SLC30A6: variants seen among roughly 807,000 people sequenced by gnomAD.
The protein encoded by SLC30A6 is zinc transporter 6.
In SLC30A6, 55 loss-of-function variants were observed where a neutral mutation model predicts 63.0. That is an observed-to-expected ratio of 0.87 (90% CI 0.70 to 1.09). SLC30A6 has a LOEUF of 1.09. Ranked by LOEUF, SLC30A6 falls within the 50% of genes least tolerant of loss-of-function variation. The pLI is 0.00. For synonymous variants in SLC30A6, 224 were observed against 186.1 expected (o/e 1.20, Z -1.66); for missense variants, 587 against 549.2 (o/e 1.07, Z -0.69).
chr2:32,217,989 G>A (rs1465200258), intron 13 of SLC30A6, among the ~76,000 whole-genome samples: 1 of 152,042 alleles, frequency 6.6e-6, no homozygotes, highest in Non-Finnish European at 1.5e-5. Flanking sequence ...CACTACAGAT[G>A]TGTGCCACCA....
chr2:32,209,228 G>A (rs2148893923), intron 12 of SLC30A6, among the ~76,000 whole-genome samples: 1 of 152,324 alleles, frequency 6.6e-6, no homozygotes, highest in Admixed American at 6.5e-5. Flanking sequence ...GAAATTGGTT[G>A]GGGTAGGGGT....
intron 2 of SLC30A6, 80 bp from the exon 3 acceptor site, chr2:32,173,983 A>C: frequency 9.9e-7 from 1 of 1,011,078 alleles, no homozygotes. Context: ...TGAATATCAG[A>C]GTATAAATTG....
intron 10 of SLC30A6, chr2:32,202,763 G>A: frequency 1.4e-6 from 1 of 713,076 alleles, no homozygotes; most frequent in Non-Finnish European, 2.6e-6. Context: ...ACAGTCCTCA[G>A]ACTTTACTTT....
intron 13 of SLC30A6, among the ~76,000 whole-genome samples, chr2:32,219,461 A>G (rs1685979036): frequency 6.8e-6 from 1 of 147,988 alleles, no homozygotes; most frequent in East Asian, 2.0e-4. Flanking sequence ...TCAAGATAGG[A>G]TATCACTCTG....
intron 3 of SLC30A6, among the ~76,000 whole-genome samples, chr2:32,174,793 C>A (rs1396319482): frequency 6.6e-6 from 1 of 151,684 alleles, no homozygotes; most frequent in South Asian, 2.1e-4. Flanking sequence ...ACCTTATGAT[C>A]CACCCGCCTC....
rs747674430 is a variant in SLC30A6, at chr2:32,165,892, C to T, written c.-9C>T. ...ACGGCTTCCGGCGGGAGCTGTGCAGCTCCTTATCATGGTGAGTTGGCTGTT... is the reference window on the plus strand; with the variant it reads ...ACGGCTTCCGGCGGGAGCTGTGCAGTTCCTTATCATGGTGAGTTGGCTGTT... On this transcript the variant is annotated 5_prime_UTR_variant, in exon 1 of 14. Transcript: ENST00000282587. 5.6e-6 allele frequency: 9 copies of T among 1,614,170 alleles called. No homozygotes were observed. In the Admixed American group the frequency reaches 8.3e-5, roughly 15 times the overall value.
chr2:32,212,041 G>C (rs1216160560), intron 13 of SLC30A6, among the ~76,000 whole-genome samples: 1 of 152,102 alleles, frequency 6.6e-6, no homozygotes, highest in East Asian at 1.9e-4. Flanking sequence ...TCTGTTATGT[G>C]CATGTTAAAT....
At chr2:32,203,428 T>G in intron 10 of SLC30A6, 4 of 1,471,436 alleles carry the variant, frequency 2.7e-6, no homozygotes, top group Non-Finnish European at 3.8e-6. Flanking sequence ...CTGCTGTTGA[T>G]TTTTTCCAAC....
rs1229549450 is a variant in SLC30A6, at chr2:32,223,818, G to A, written c.*3105G>A. 2 of 152,094 alleles carry A rather than the reference G, an allele frequency of 1.3e-5. No individual in the cohort carries two copies. Among genetic ancestry groups the A allele is most frequent in the Non-Finnish European group, 2.9e-5 (2 of 68,014 alleles). The allele number at this position is 152,094 out of a possible 1,614,324, so 9.4% of individuals were successfully genotyped here. A position where few individuals can be genotyped will look rare whatever the true frequency, so the allele number is the denominator to read the frequency against. On this transcript the variant is annotated 3_prime_UTR_variant, in exon 14 of 14. Coordinates refer to ENST00000282587, the MANE Select transcript of SLC30A6 (RefSeq NM_017964.5). ...GTGTTGGAAAAAAGATTAGGGCAGG[G>A]TACCCTTAGTTTATATAGGGTACAA... is the stretch of plus-strand genomic sequence containing the variant.
intron 3 of SLC30A6, among the ~76,000 whole-genome samples, chr2:32,174,359 A>C (rs1558371681): frequency 1.3e-5 from 2 of 151,802 alleles, no homozygotes; most frequent in Non-Finnish European, 2.9e-5. Context: ...TTTTCCTTTT[A>C]AAATATATTT....
At chr2:32,214,715 A>G (rs1179241529) in intron 13 of SLC30A6, among the ~76,000 whole-genome samples, 1 of 152,242 alleles carries the variant, frequency 6.6e-6, no homozygotes, top group Non-Finnish European at 1.5e-5. Flanking sequence ...TGAGCTGCTA[A>G]AAGTTAATAT....
At chr2:32,166,682 T>A (rs1212204212) in intron 1 of SLC30A6, among the ~76,000 whole-genome samples, 2 of 152,258 alleles carry the variant, frequency 1.3e-5, no homozygotes, top group Non-Finnish European at 2.9e-5. Context: ...TATGGAGTAC[T>A]TATTGATAGC....
rs1481575797 is a variant in SLC30A6, at chr2:32,206,951, A to G, written c.816+18A>G. 1.9e-6 allele frequency: 3 copies of G among 1,577,634 alleles called. No individual in the cohort carries two copies. The highest frequency in any genetic ancestry group is 3.3e-5 in the Admixed American group (2 of 59,876). On this transcript the variant is annotated intron_variant, in intron 12 of 13. Transcript: ENST00000282587. ...TCAGAGAGGTAAGATGGAATAGTAA[A>G]TAAAATCATTTTATTTTATATCAGG...
At chr2:32,208,661 C>T (rs538380921) in intron 12 of SLC30A6, among the ~76,000 whole-genome samples, 19 of 129,208 alleles carry the variant, frequency 1.5e-4, no homozygotes, top group African/African-American at 5.0e-4. Context: ...GCCGTGTTCT[C>T]TGCTTCCCAC....
intron 13 of SLC30A6, among the ~76,000 whole-genome samples, chr2:32,215,517 T>TATATATATATATATATATATATATA (rs1553339788): frequency 1.1e-5 from 1 of 89,404 alleles, no homozygotes; most frequent in African/African-American, 4.0e-5. Flanking sequence ...TATATATATA[T>TATATATATATATATATATATATATA]TTTTTTTTTT....
intron 5 of SLC30A6, among the ~76,000 whole-genome samples, chr2:32,186,718 T>A (rs1682851035): frequency 1.4e-5 from 2 of 140,034 alleles, no homozygotes. Context: ...GTTTGGGGAG[T>A]CAGATGCAGT....
chr2:32,202,077 T>C (rs1361814634), intron 10 of SLC30A6: 1 of 834,972 alleles, frequency 1.2e-6, no homozygotes, highest in African/African-American at 1.7e-5. Context: ...AATCAAGTGA[T>C]AAGAAGCTAG....
chr2:32,181,592 C>T (rs1245288436), intron 4 of SLC30A6, among the ~76,000 whole-genome samples: 2 of 152,102 alleles, frequency 1.3e-5, no homozygotes, highest in Non-Finnish European at 2.9e-5. Flanking sequence ...TTTGGCCGGG[C>T]GAGGTGGCTC....
intron 12 of SLC30A6, among the ~76,000 whole-genome samples, chr2:32,208,329 C>G (rs1411221503): frequency 6.6e-6 from 1 of 152,052 alleles, no homozygotes; most frequent in African/African-American, 2.4e-5. Flanking sequence ...CGAGGTTTCA[C>G]CATGTTGGCC....
Sources: gnomAD v4.1 joint callset for allele counts (sites outside exome capture counted in the v4.1 genomes callset) on GRCh38, gnomAD v4.1.1 for gene constraint, MANE v1.5 for transcripts, NCBI Gene and HGNC (gene_info 2026-07-23, HGNC 2026-07-21) for gene names.